SLCO3A1: variants seen among roughly 807,000 people sequenced by gnomAD.
SLCO3A1 encodes PGE1 transporter.
SLCO3A1 carries 27 observed loss-of-function variants against 63.1 expected under a neutral mutation model. The ratio of observed to expected loss-of-function variants is 0.43; its 90% CI spans 0.32 to 0.59. SLCO3A1 has a LOEUF of 0.59. SLCO3A1 is among the 20% of genes least tolerant of loss of function. The probability of loss-of-function intolerance (pLI) is 0.09; values close to 1 mark genes in which losing one functional copy is unlikely to be tolerated. For missense variants in SLCO3A1, 773 were observed against 945.8 expected (o/e 0.82, Z 2.40); for synonymous variants, 473 against 409.9 (o/e 1.15, Z -1.86).
chr15:92,143,588 G>T (rs2151584713), intron 7 of SLCO3A1, among the ~76,000 whole-genome samples: 1 of 134,964 alleles, frequency 7.4e-6, no homozygotes, highest in East Asian at 2.2e-4. Flanking sequence ...ATTAGCTTTA[G>T]TGTCAGGGGG....
Position 92,035,082 on chromosome 15 carries a change from A to C in SLCO3A1, c.647-59799A>C, listed in dbSNP as rs368729110. Among the ~76,000 whole-genome samples the C allele has an allele frequency of 1.9e-4, 29 of 151,964 alleles. 2 individuals are homozygous for C. The South Asian group carries it at 5.8e-3, about 30-fold the overall frequency. Reference sequence around the variant, plus strand: ...CCAGGACAATGAAGCTCCCAGGTACATGGGTTTTTGAACTGTGGGTAGTTA... The same window carrying C: ...CCAGGACAATGAAGCTCCCAGGTACCTGGGTTTTTGAACTGTGGGTAGTTA... On this transcript the variant is annotated intron_variant, in intron 2 of 9. Coordinates refer to ENST00000318445, the MANE Select transcript of SLCO3A1 (RefSeq NM_013272.4).
chr15:91,892,270 T>G (rs1050408931), intron 1 of SLCO3A1, among the ~76,000 whole-genome samples: 1 of 152,200 alleles, frequency 6.6e-6, no homozygotes, highest in African/African-American at 2.4e-5. Flanking sequence ...CTGTCCCCAC[T>G]CGTATCGTCC....
intron 2 of SLCO3A1, among the ~76,000 whole-genome samples, chr15:92,077,714 C>T (rs1036856424): frequency 3.9e-5 from 6 of 152,206 alleles, no homozygotes; most frequent in South Asian, 2.1e-4. Flanking sequence ...TCCCTCAGGA[C>T]CCTGGGCTTC....
chr15:91,926,558 CGTGTGTGTGTGTGTGT>C (rs565234731), intron 2 of SLCO3A1, among the ~76,000 whole-genome samples: 2 of 126,042 alleles, frequency 1.6e-5, no homozygotes, highest in South Asian at 3.0e-4. Context: ...CCTGCCAAGC[CGTGTGTGTGTGTGTGT>C]GTGTGTGTGT....
chr15:91,984,677 T>C (rs796511490), intron 2 of SLCO3A1, among the ~76,000 whole-genome samples: 4 of 152,358 alleles, frequency 2.6e-5, no homozygotes, highest in African/African-American at 9.6e-5. Context: ...GATGGCTTTA[T>C]ACTGTCATCG....
intron 1 of SLCO3A1, among the ~76,000 whole-genome samples, chr15:91,864,302 G>A (rs1040869889): frequency 1.3e-5 from 2 of 152,202 alleles, no homozygotes; most frequent in Non-Finnish European, 2.9e-5. Context: ...TTACCCAAAT[G>A]TGCAGCCCCA....
At chr15:92,009,063 A>G (rs562186600) in intron 2 of SLCO3A1, among the ~76,000 whole-genome samples, 2 of 152,124 alleles carry the variant, frequency 1.3e-5, no homozygotes, top group African/African-American at 4.8e-5. Flanking sequence ...ACATTTGTAC[A>G]CTCTGATATT....
At chr15:92,161,401 C>G (rs2048434953) in intron 9 of SLCO3A1, among the ~76,000 whole-genome samples, 1 of 152,134 alleles carries the variant, frequency 6.6e-6, no homozygotes, top group Non-Finnish European at 1.5e-5. Context: ...GGTCTGATAA[C>G]TCGGATAACA....
In SLCO3A1 at chr15:92,065,385, G is replaced by C. The variant is rs373699386; in HGVS notation, c.647-29496G>C. The stretch of plus-strand genomic sequence containing the variant: ...TTATAGGTGTGAGCCACCACACCCG[G>C]CCATTTACCCAGATTTGATCATTAC... On this transcript the variant is annotated intron_variant, in intron 2 of 9. Coordinates refer to ENST00000318445, the MANE Select transcript of SLCO3A1 (RefSeq NM_013272.4). Among the ~76,000 whole-genome samples, 26 of 152,148 alleles carry C rather than the reference G, an allele frequency of 1.7e-4. 1 individual carries two copies. The South Asian group carries it at 5.4e-3, about 32-fold the overall frequency.
downstream of SLCO3A1, among the ~76,000 whole-genome samples, chr15:92,168,381 C>T (rs894503789): frequency 9.2e-5 from 14 of 152,198 alleles, no homozygotes; most frequent in Admixed American, 9.2e-4. Flanking sequence ...AAGTAGTAAA[C>T]ATTTTAGACT....
In SLCO3A1 at chr15:91,915,987, C is replaced by T. The variant is rs776005644; in HGVS notation, c.181-6C>T. 3.7e-6 allele frequency: 6 copies of T among 1,608,726 alleles called. No homozygotes were observed. The highest frequency in any genetic ancestry group is 2.2e-5 in the East Asian group (1 of 44,792). On this transcript the variant is annotated splice_polypyrimidine_tract_variant and splice_region_variant and intron_variant, in intron 1 of 9. Transcript: ENST00000318445. Reference sequence around the variant, plus strand: ...TGGCTCTGACCTTTCTTCTTGCCCCCCTCAGGTGAGCGTCCTGACCACCCT... The same window carrying T: ...TGGCTCTGACCTTTCTTCTTGCCCCTCTCAGGTGAGCGTCCTGACCACCCT...
At position 91,854,072 on chromosome 15, in the gene SLCO3A1, C is replaced by T. The variant is rs2141825596; in HGVS notation, c.164C>T (p.Thr55Met). Residue 55 changes from threonine (T) to methionine (M), a missense_variant, in exon 1 of 10, where the codon ACG (threonine) becomes ATG (methionine). Physicochemically the swap from Thr to Met is moderately conservative, Grantham distance 81. Around this residue, in one of 3 missense-constraint regions of SLCO3A1, gnomAD observed 565 missense variants for 749.8 expected, o/e 0.75. Transcript: ENST00000318445. The surrounding 1 kb of genome is among the most constrained non-coding windows in gnomAD (Gnocchi z 6.4). ...TGCGCCCTGATGCTGGCGCAGGGCA[C>T]GGTGGGCGCCTACCTGGTGAGTCCC... ...SECALMLAQG[T>M]VGAYLVSVLT... The T allele has an allele frequency of 5.3e-6, 8 of 1,516,174 alleles. No individual in the cohort carries two copies. The highest frequency in any genetic ancestry group is 1.2e-5 in the South Asian group (1 of 81,676). 93.9% of individuals were successfully genotyped at this position (1,516,174 alleles called of 1,614,324 possible). A position where few individuals can be genotyped will look rare whatever the true frequency, so the allele number is the denominator to read the frequency against.
intron 2 of SLCO3A1, among the ~76,000 whole-genome samples, chr15:92,047,582 AATATATATATAATATATAAT>A (rs1399171185): frequency 2.4e-4 from 2 of 8,390 alleles, no homozygotes; most frequent in African/African-American, 5.6e-4. Flanking sequence ...ATATATATAT[AATATATATATAATATATAAT>A]ATATATATAA....
At chr15:91,905,651 G>A (rs1026476070) in intron 1 of SLCO3A1, among the ~76,000 whole-genome samples, 11 of 150,184 alleles carry the variant, frequency 7.3e-5, no homozygotes, top group African/African-American at 2.2e-4. Flanking sequence ...TTTAAGTTAC[G>A]TGGTCAAGGG....
chr15:91,970,061 A>G (rs111832614), intron 2 of SLCO3A1, among the ~76,000 whole-genome samples: 6,110 of 152,252 alleles, frequency 0.04, 271 homozygotes, highest in African/African-American at 0.11. Flanking sequence ...ATTTCTGCTC[A>G]CCCAGAAAAA....
rs145033124 is a variant in SLCO3A1 at position 91,916,442 on chromosome 15, C to T, written c.630C>T (p.Asp210=). The change falls in exon 2 of 10, where the codon GAC becomes GAT. Residue 210 remains aspartate, a synonymous_variant. Transcript: ENST00000318445. This position sits in a 1 kb window ranked among gnomAD's most constrained non-coding sequence, Gnocchi z 6.2. ...TCGACGACCACGTGCGGAGGAAGGA[C>T]TCCTCGCTCTATATAGGTAGGAGCT... The part of the protein sequence containing the change: ...SYIDDHVRRK[D]SSLYIGILFT... 2.2e-4 allele frequency: 355 copies of T among 1,609,078 alleles called. 2 individuals are homozygous for T. Among genetic ancestry groups the T allele is most frequent in the Middle Eastern group, 9.9e-4 (6 of 6,054 alleles).
rs189548585 is a variant in SLCO3A1, at chr15:92,073,691, C to T, written c.647-21190C>T. Reference sequence around the variant, plus strand: ...CATCTCATCTAGTGACATTTTAGAACGGATAATTATTTGTTGTGGAGACTG... The same window carrying T: ...CATCTCATCTAGTGACATTTTAGAATGGATAATTATTTGTTGTGGAGACTG... On this transcript the variant is annotated intron_variant, in intron 2 of 9. Coordinates refer to ENST00000318445, the MANE Select transcript of SLCO3A1 (RefSeq NM_013272.4). Among the ~76,000 whole-genome samples, 424 of 152,270 alleles carry T rather than the reference C, an allele frequency of 2.8e-3. 3 individuals carry two copies. Among genetic ancestry groups the T allele is most frequent in the African/African-American group, 9.8e-3 (406 of 41,554 alleles).
chr15:92,114,123 T>C (rs2047762963), intron 4 of SLCO3A1, among the ~76,000 whole-genome samples: 1 of 152,174 alleles, frequency 6.6e-6, no homozygotes, highest in Non-Finnish European at 1.5e-5. Context: ...GCAGGGGGCA[T>C]GTAATGGCAG....
rs74661900 is a variant in SLCO3A1, at chr15:91,961,665, C to T, written c.646+45207C>T. Among the ~76,000 whole-genome samples the T allele has an allele frequency of 7.7e-3, 1,168 of 152,354 alleles. 19 individuals carry two copies. The highest frequency in any genetic ancestry group is 0.027 in the African/African-American group (1,103 of 41,586). On this transcript the variant is annotated intron_variant, in intron 2 of 9. Transcript: ENST00000318445. ...GGCCCCTGCTTGTGGGTCTTCCCAT[C>T]AGAGAGGCCTTCCCTGAATACCCTT...
Sources: gnomAD v4.1 joint callset for allele counts (sites outside exome capture counted in the v4.1 genomes callset) on GRCh38, gnomAD v4.1.1 for gene constraint, gnomAD v4.1.1 regional missense constraint, Gnocchi (gnomAD v3.1) non-coding constraint, MANE v1.5 for transcripts, NCBI Gene and HGNC (gene_info 2026-07-23, HGNC 2026-07-21) for gene names.